Variants in PXDN observed in about 807,000 individuals in gnomAD.
PXDN encodes peroxidasin, also known as peroxidasin homolog.
A neutral mutation model predicts 140.3 loss-of-function variants in PXDN; 77 were observed. The observed-to-expected ratio is 0.55, with a 90% CI of 0.46 to 0.66. The LOEUF is 0.66. Ranked by LOEUF, PXDN falls within the 30% of genes least tolerant of loss-of-function variation. PXDN has a pLI of 0.00. For synonymous variants in PXDN, 911 were observed against 857.4 expected, an observed-to-expected ratio of 1.06 and a Z score of -1.09; for missense variants, 1,838 against 2,039.5, an observed-to-expected ratio of 0.90 and a Z score of 1.90.
chr2:1,635,590 GATGTT>G, intron 21 of PXDN, 69 bp from the exon 22 acceptor site: 1 of 1,142,676 alleles, frequency 8.8e-7, no homozygotes, highest in Non-Finnish European at 1.3e-6. Flanking sequence ...TGTATTAAAA[GATGTT>G]ATTTCACTGA....
chr2:1,692,618 G>T (rs1375538674), intron 2 of PXDN: 1 of 472,570 alleles, frequency 2.1e-6, no homozygotes, highest in South Asian at 1.5e-5. Context: ...CAGCAACGCT[G>T]GACTTGGCCC....
rs923622324 is a variant in PXDN, at chr2:1,744,509, C to G, written c.-54G>C. On this transcript the variant is annotated 5_prime_UTR_variant, in exon 1 of 23. Transcript: ENST00000252804. ...GCACGGAGCCACCACGGCCGGCTCC[C>G]GACTGCGCCCGCCCGGCCGCGGCCC... The G allele has an allele frequency of 2.4e-5, 32 of 1,313,546 alleles. No individual in the cohort carries two copies. Among genetic ancestry groups the G allele is most frequent in the Admixed American group, 4.2e-5 (1 of 23,616 alleles). The allele number at this position is 1,313,546 out of a possible 1,614,324, so 81.4% of individuals were successfully genotyped here. A position where few individuals can be genotyped will look rare whatever the true frequency, so the allele number is the denominator to read the frequency against.
intron 1 of PXDN, among the ~76,000 whole-genome samples, chr2:1,701,450 G>A (rs945749885): frequency 3.3e-5 from 5 of 152,326 alleles, no homozygotes; most frequent in East Asian, 1.9e-4. Flanking sequence ...CCTGCACACC[G>A]GCAGTCGCAG....
intron 22 of PXDN, among the ~76,000 whole-genome samples, chr2:1,635,187 G>A (rs1261640794): frequency 6.6e-6 from 1 of 152,032 alleles, no homozygotes; most frequent in Non-Finnish European, 1.5e-5. Context: ...CCTCTGTGGG[G>A]TTGGACCATG....
At position 1,645,208 on chromosome 2, in the gene PXDN, A is replaced by G. The variant is rs192058750; in HGVS notation, c.3609-456T>C. 5.3e-5 allele frequency among the ~76,000 whole-genome samples: 8 copies of G among 152,358 alleles called. No individual in the cohort carries two copies. The East Asian group carries it at 1.5e-3, about 29-fold the overall frequency. The stretch of plus-strand genomic sequence containing the variant: ...TTAAAGAATAACATTTGATTCTACT[A>G]TATATTGAAAATATATTTGCCATAA... On this transcript the variant is annotated intron_variant, in intron 17 of 22. Coordinates refer to ENST00000252804, the MANE Select transcript of PXDN (RefSeq NM_012293.3).
rs1682669940 is a variant in PXDN, at chr2:1,639,706, C to A, written c.3953-284G>T. 1.3e-5 allele frequency among the ~76,000 whole-genome samples: 2 copies of A among 152,304 alleles called. No homozygotes were observed. Among genetic ancestry groups the A allele is most frequent in the Admixed American group, 6.5e-5 (1 of 15,302 alleles). On this transcript the variant is annotated intron_variant, in intron 19 of 22. Transcript: ENST00000252804. This position sits in a 1 kb window ranked among gnomAD's most constrained non-coding sequence, Gnocchi z 5.0. Reference sequence around the variant, plus strand: ...GGCTCACCACGCCATCTAACCACACCCTCGCGGAGTTCCCTCCACCCACAG... The same window carrying A: ...GGCTCACCACGCCATCTAACCACACACTCGCGGAGTTCCCTCCACCCACAG...
chr2:1,720,999 A>T (rs1685037486), intron 1 of PXDN, among the ~76,000 whole-genome samples: 1 of 152,204 alleles, frequency 6.6e-6, no homozygotes, highest in Non-Finnish European at 1.5e-5. Flanking sequence ...CGGGGAGGTC[A>T]GCCTTTATTC....
intron 1 of PXDN, among the ~76,000 whole-genome samples, chr2:1,710,793 A>G (rs371538796): frequency 5.4e-4 from 10 of 18,522 alleles, no homozygotes; most frequent in African/African-American, 2.0e-3. Flanking sequence ...ACCAGCACCC[A>G]CTCCACCAGC....
chr2:1,661,419 A>C (rs750673661), intron 13 of PXDN, among the ~76,000 whole-genome samples: 9 of 152,332 alleles, frequency 5.9e-5, no homozygotes, highest in Admixed American at 4.6e-4. Flanking sequence ...GCAAAGAAGG[A>C]TTCAGAGGCA....
upstream of PXDN, chr2:1,744,618 G>A (rs1470078000): frequency 8.4e-6 from 5 of 594,962 alleles, no homozygotes; most frequent in Non-Finnish European, 1.2e-5. Flanking sequence ...ATCCCCGAGG[G>A]CGGGGCGGGG....
chr2:1,664,723 C>G (rs1332388982), intron 11 of PXDN: 1 of 492,534 alleles, frequency 2.0e-6, no homozygotes, highest in African/African-American at 1.9e-5. Flanking sequence ...TCCGCAATGA[C>G]AGAGCTTCTC....
chr2:1,652,425 C>A (rs1683034701), intron 16 of PXDN, among the ~76,000 whole-genome samples: 2 of 152,082 alleles, frequency 1.3e-5, no homozygotes, highest in African/African-American at 4.8e-5. Flanking sequence ...CTAGTCTCCC[C>A]CTGCACCTGA....
At chr2:1,683,864 GA>G in intron 5 of PXDN, 137 bp from the exon 6 acceptor site, 1 of 896,566 alleles carries the variant, frequency 1.1e-6, no homozygotes, top group Non-Finnish European at 1.7e-6. Context: ...AAATGAATCT[GA>G]AAACAAAAGA....
chr2:1,705,782 G>A (rs1684587974), intron 1 of PXDN, among the ~76,000 whole-genome samples: 3 of 149,980 alleles, frequency 2.0e-5, no homozygotes, highest in African/African-American at 4.9e-5. Context: ...GATGCAGGGT[G>A]CAGCTCCCCA....
rs1685050287 is a variant in PXDN, at chr2:1,721,505, T to C, written c.200+22751A>G. Among the ~76,000 whole-genome samples, 3 of 152,244 alleles carry C rather than the reference T, an allele frequency of 2.0e-5. No homozygotes were observed. In the South Asian group the frequency reaches 6.2e-4, roughly 31 times the overall value. On this transcript the variant is annotated intron_variant, in intron 1 of 22. Coordinates refer to ENST00000252804, the MANE Select transcript of PXDN (RefSeq NM_012293.3). ...CCAGGAAGTAACTGACTCCAGGCTC[T>C]AGTGAAACAGATTGAGTTTTGCTTG...
Position 1,714,335 on chromosome 2 carries a change from G to A in PXDN, c.201-21201C>T, listed in dbSNP as rs565663965. Among the ~76,000 whole-genome samples, 38 of 152,222 alleles carry A rather than the reference G, an allele frequency of 2.5e-4. No homozygotes were observed. Among genetic ancestry groups the A allele is most frequent in the Admixed American group, 1.6e-3 (24 of 15,292 alleles). On this transcript the variant is annotated intron_variant, in intron 1 of 22. Transcript: ENST00000252804. The surrounding 1 kb of genome is among the most constrained non-coding windows in gnomAD (Gnocchi z 4.3). ...AGGTTCCCCTGTCCCCCGATGGTCC[G>A]GCACCCTGGCCCACTCGCTCCCATG...
Position 1,707,658 on chromosome 2 carries a change from C to A in PXDN, c.201-14524G>T, listed in dbSNP as rs191460368. 3.4e-3 allele frequency among the ~76,000 whole-genome samples: 517 copies of A among 152,248 alleles called. 1 individual carries two copies. The highest frequency in any genetic ancestry group is 4.6e-3 in the Non-Finnish European group (314 of 68,022). On this transcript the variant is annotated intron_variant, in intron 1 of 22. Coordinates refer to ENST00000252804, the MANE Select transcript of PXDN (RefSeq NM_012293.3). ...GAGGGGCTATCAGCTGTCAAAGACGCAATAACTACACAGAAGAGGACAAAA... is the reference window on the plus strand; with the variant it reads ...GAGGGGCTATCAGCTGTCAAAGACGAAATAACTACACAGAAGAGGACAAAA...
chr2:1,721,220 G>A (rs1243090841), intron 1 of PXDN, among the ~76,000 whole-genome samples: 10 of 152,186 alleles, frequency 6.6e-5, no homozygotes. Context: ...GCGTGGCTGA[G>A]GATGGGGCTC....
At chr2:1,681,385 G>A (rs1683900911) in intron 6 of PXDN, among the ~76,000 whole-genome samples, 1 of 151,878 alleles carries the variant, frequency 6.6e-6, no homozygotes, top group Admixed American at 6.6e-5. Flanking sequence ...AATTTTTGTG[G>A]CCATGTAACA....
Sources: gnomAD v4.1 joint callset for allele counts (sites outside exome capture counted in the v4.1 genomes callset) on GRCh38, gnomAD v4.1.1 for gene constraint, Gnocchi (gnomAD v3.1) non-coding constraint, MANE v1.5 for transcripts, NCBI Gene and HGNC (gene_info 2026-07-23, HGNC 2026-07-21) for gene names.